The following DYSF variants were observed in gnomAD, a reference collection of about 807,000 sequenced individuals.
The protein encoded by DYSF is dysferlin.
A neutral mutation model predicts 274.9 loss-of-function variants in DYSF; 212 were observed. The ratio of observed to expected loss-of-function variants is 0.77; its 90% confidence interval spans 0.69 to 0.86. The LOEUF (loss-of-function observed/expected upper bound fraction) is 0.86, where lower values mean the gene tolerates loss of function less well. Among genes scored for constraint, DYSF ranks in the 40% least tolerant of loss-of-function variants. The pLI, the probability that DYSF is intolerant of heterozygous loss-of-function variation, is 0.00. For synonymous variants in DYSF, 1,091 were observed against 1,078.7 expected (o/e 1.01, Z -0.22); for missense variants, 2,666 against 2,783.2 (o/e 0.96, Z 0.95).
At chr2:71,681,859 T>G (rs893856144) in intron 54 of DYSF, among the ~76,000 whole-genome samples, 1 of 152,226 alleles carries the variant, frequency 6.6e-6, no homozygotes, top group Non-Finnish European at 1.5e-5. Flanking sequence ...ACCGTGTGCC[T>G]GAGTGCCATG....
At chr2:71,663,537 CCTT>C (rs781172711) in intron 45 of DYSF, among the ~76,000 whole-genome samples, 5 of 152,222 alleles carry the variant, frequency 3.3e-5, no homozygotes, top group Non-Finnish European at 7.4e-5. Context: ...CCCCTGCCCT[CCTT>C]CTCCATGCCA....
In DYSF at chr2:71,623,412, G is replaced by A. The variant is rs183682093; in HGVS notation, c.4527+2803G>A. The stretch of plus-strand genomic sequence containing the variant: ...CATTGTTCAATTCCCACCTATGAGC[G>A]AGAATATGCGGTGTTTGGTTTTTTG... On this transcript the variant is annotated intron_variant, in intron 41 of 55. Coordinates refer to ENST00000410020, the MANE Select transcript of DYSF (RefSeq NM_001130987.2). Among the ~76,000 whole-genome samples the A allele has an allele frequency of 1.0e-2, 1,473 of 147,696 alleles. 10 individuals are homozygous for A. The highest frequency in any genetic ancestry group is 0.04 in the Middle Eastern group (11 of 278).
At chr2:71,624,854 A>C (rs949034509) in intron 41 of DYSF, among the ~76,000 whole-genome samples, 1 of 151,916 alleles carries the variant, frequency 6.6e-6, no homozygotes, top group African/African-American at 2.4e-5. Flanking sequence ...AACTGGGCTC[A>C]ACACATTTTC....
chr2:71,537,140 G>A (rs2089424149), intron 16 of DYSF, among the ~76,000 whole-genome samples: 1 of 150,324 alleles, frequency 6.7e-6, no homozygotes, highest in Non-Finnish European at 1.5e-5. Flanking sequence ...TGAAGACTGG[G>A]TACAAATGCC....
At position 71,480,624 on chromosome 2, in the gene DYSF, A is replaced by G. The variant is rs181296766; in HGVS notation, c.92-259A>G. 1.2e-3 allele frequency among the ~76,000 whole-genome samples: 185 copies of G among 152,290 alleles called. 2 individuals carry two copies. The highest frequency in any genetic ancestry group is 4.0e-3 in the African/African-American group (167 of 41,562). Reference sequence around the variant, plus strand: ...TATTTAAAAAGTCAGAAATAACAATAACAAACTCATTAAGGAGAGTCAGCC... The same window carrying G: ...TATTTAAAAAGTCAGAAATAACAATGACAAACTCATTAAGGAGAGTCAGCC... On this transcript the variant is annotated intron_variant, in intron 1 of 55. Coordinates refer to ENST00000410020, the MANE Select transcript of DYSF (RefSeq NM_001130987.2).
chr2:71,476,705 G>C (rs1048472304), intron 1 of DYSF, among the ~76,000 whole-genome samples: 1 of 152,126 alleles, frequency 6.6e-6, no homozygotes, highest in African/African-American at 2.4e-5. Flanking sequence ...TGTTGAGAAT[G>C]TTCTGTGTGA....
intron 41 of DYSF, 80 bp downstream of exon 41, chr2:71,620,689 AG>A: frequency 9.1e-7 from 1 of 1,104,598 alleles, no homozygotes; most frequent in Non-Finnish European, 1.3e-6. Context: ...GGGAAATGGG[AG>A]GGGAGAGTGG....
intron 48 of DYSF, among the ~76,000 whole-genome samples, chr2:71,668,149 T>C (rs1178037294): frequency 2.0e-5 from 3 of 152,146 alleles, no homozygotes; most frequent in African/African-American, 7.2e-5. Context: ...AGGATGCCTT[T>C]GTGAATGCCA....
At chr2:71,586,082 C>T (rs1383616168) in intron 30 of DYSF, among the ~76,000 whole-genome samples, 1 of 152,066 alleles carries the variant, frequency 6.6e-6, no homozygotes, top group Non-Finnish European at 1.5e-5. Flanking sequence ...ATTTAGAGGC[C>T]ACAGCAGGCC....
At chr2:71,551,570 G>C (rs374431970) in intron 18 of DYSF, 37 bp from the exon 19 acceptor site, 40 of 1,559,928 alleles carry the variant, frequency 2.6e-5, no homozygotes, top group Non-Finnish European at 3.4e-5. Flanking sequence ...CCTCCCCTCT[G>C]TCTCCCCTGC....
chr2:71,529,270 C>G (rs780860161), intron 14 of DYSF, among the ~76,000 whole-genome samples: 37 of 152,210 alleles, frequency 2.4e-4, no homozygotes, highest in Non-Finnish European at 5.0e-4. Context: ...AACTTGTCCC[C>G]AGGGCCCATC....
rs2093868828 is a variant in DYSF at position 71,615,818 on chromosome 2, C to T, written c.4464+2408C>T. Among the ~76,000 whole-genome samples the T allele has an allele frequency of 6.6e-6, 1 of 152,182 alleles. No homozygotes were observed. Among genetic ancestry groups the T allele is most frequent in the African/African-American group, 2.4e-5 (1 of 41,466 alleles). ...GGGACAGGAGGGACGAGAGGTCTGG[C>T]AGAATCTGGATTTTGGCTGGCTTCT... On this transcript the variant is annotated intron_variant, in intron 40 of 55. Transcript: ENST00000410020. The surrounding 1 kb of genome is among the most constrained non-coding windows in gnomAD (Gnocchi z 4.9).
chr2:71,493,055 A>G (rs2084006728), intron 3 of DYSF, among the ~76,000 whole-genome samples: 2 of 116,766 alleles, frequency 1.7e-5, no homozygotes, highest in African/African-American at 2.7e-5. Context: ...CTAATTTAAT[A>G]TATATATTTT....
Position 71,644,073 on chromosome 2 carries a change from C to G in DYSF, c.4626+10C>G, listed in dbSNP as rs1420815050. On this transcript the variant is annotated intron_variant, in intron 42 of 55. Coordinates refer to ENST00000410020, the MANE Select transcript of DYSF (RefSeq NM_001130987.2). ...TTTTGACACCCTGAAGGTAAGGCCT[C>G]TCTTCAGTCTGACAGTCGGTGTGTG... is the stretch of plus-strand genomic sequence containing the variant. The G allele has an allele frequency of 6.2e-7, 1 of 1,603,250 alleles. No individual in the cohort carries two copies. Among genetic ancestry groups the G allele is most frequent in the African/African-American group, 1.3e-5 (1 of 74,816 alleles).
At chr2:71,677,457 C>T (rs1003332766) in intron 52 of DYSF, among the ~76,000 whole-genome samples, 10 of 152,066 alleles carry the variant, frequency 6.6e-5, no homozygotes, top group Non-Finnish European at 2.9e-5. Context: ...CATGAAATTG[C>T]TGTTTAAATG....
intron 21 of DYSF, among the ~76,000 whole-genome samples, chr2:71,555,057 A>T (rs2152794554): frequency 1.3e-5 from 2 of 150,574 alleles, no homozygotes; most frequent in African/African-American, 4.9e-5. Context: ...GTGGGTGGGG[A>T]GGTGAGCATG....
rs2092371566 is a variant in DYSF, at chr2:71,570,742, G to A, written c.3228+1G>A. The A allele has an allele frequency of 2.5e-6, 4 of 1,613,708 alleles. No individual in the cohort carries two copies. The highest frequency in any genetic ancestry group is 3.4e-6 in the Non-Finnish European group (4 of 1,179,912). ...CAGCCAAATGGAAGCACTGAAAAGG[G>A]TGAGCCAGCAGGTGGTGGGTGGGAG... On this transcript the variant is annotated splice_donor_variant, in intron 29 of 55. Coordinates refer to ENST00000410020, the MANE Select transcript of DYSF (RefSeq NM_001130987.2). LOFTEE classifies it high-confidence loss of function.
intron 24 of DYSF, among the ~76,000 whole-genome samples, chr2:71,565,414 G>C (rs2092031775): frequency 6.6e-6 from 1 of 152,000 alleles, no homozygotes; most frequent in Non-Finnish European, 1.5e-5. Context: ...CATTTGCCCT[G>C]AATAGCTCTA....
At position 71,669,156 on chromosome 2, in the gene DYSF, T is replaced by C. The variant is rs768704227; in HGVS notation, c.5591T>C (p.Leu1864Pro). The stretch of plus-strand genomic sequence containing the variant: ...ATCTGGAATACCAGAGATGTGATCC[T>C]GGATGACCTGAGCCTCACGGGGGAG... ...CIIWNTRDVI[L>P]DDLSLTGEKM... Residue 1864 changes from leucine to proline, a missense_variant, in exon 50 of 56, where the codon CTG (leucine) becomes CCG (proline). Around this residue, in one of 3 missense-constraint regions of DYSF, gnomAD observed 1,460 missense variants for 1,502.1 expected, o/e 0.97. Transcript: ENST00000410020. The C allele has an allele frequency of 2.5e-6, 4 of 1,610,616 alleles. No homozygotes were observed. In the South Asian group the frequency reaches 3.3e-5, roughly 13 times the overall value.
Sources: gnomAD v4.1 joint callset for allele counts (sites outside exome capture counted in the v4.1 genomes callset) on GRCh38, gnomAD v4.1.1 for gene constraint, gnomAD v4.1.1 regional missense constraint, Gnocchi (gnomAD v3.1) non-coding constraint, MANE v1.5 for transcripts, NCBI Gene and HGNC (gene_info 2026-07-23, HGNC 2026-07-21) for gene names.